The following RSL24D1 variants were observed in gnomAD, a reference collection of about 807,000 sequenced individuals.
RSL24D1 encodes ribosomal L24 domain containing 1, also known as probable ribosome biogenesis protein RLP24.
In RSL24D1, 6 loss-of-function variants were observed where a neutral mutation model predicts 26.2. That is an observed-to-expected ratio of 0.23 (90% CI 0.13 to 0.45). The LOEUF (loss-of-function observed/expected upper bound fraction) is 0.45. RSL24D1 is among the 20% of genes least tolerant of loss of function. The pLI, the probability that RSL24D1 is intolerant of heterozygous loss-of-function variation, is 0.99. For synonymous variants in RSL24D1, 61 were observed against 59.1 expected (o/e 1.03, Z -0.15); for missense variants, 176 against 202.6 (o/e 0.87, Z 0.80).
At chr15:55,183,074 C>T (rs1251806328) in intron 5 of RSL24D1, among the ~76,000 whole-genome samples, 1 of 152,104 alleles carries the variant, frequency 6.6e-6, no homozygotes, top group Non-Finnish European at 1.5e-5. Flanking sequence ...AATTATTACG[C>T]AAATCATTTT....
intron 3 of RSL24D1, among the ~76,000 whole-genome samples, chr15:55,186,611 T>C (rs1894226736): frequency 6.6e-6 from 1 of 152,066 alleles, no homozygotes; most frequent in Non-Finnish European, 1.5e-5. Context: ...TATCATGAAA[T>C]ATAAGGACAA....
chr15:55,191,763 A>G (rs906213160), intron 2 of RSL24D1, among the ~76,000 whole-genome samples: 1 of 152,126 alleles, frequency 6.6e-6, no homozygotes, highest in Non-Finnish European at 1.5e-5. Flanking sequence ...AAACAGCACT[A>G]CCTCTGGATT....
chr15:55,191,633 A>G (rs879751885), intron 2 of RSL24D1, among the ~76,000 whole-genome samples: 18 of 152,234 alleles, frequency 1.2e-4, no homozygotes, highest in Admixed American at 6.5e-5. Context: ...AAACACGGTT[A>G]CCGTTGCTAG....
At chr15:55,190,870 A>T in intron 3 of RSL24D1, 105 bp downstream of exon 3, 1 of 742,788 alleles carries the variant, frequency 1.3e-6, no homozygotes, top group South Asian at 1.7e-5. Flanking sequence ...CCAAGGAATG[A>T]TAAATGGAAA....
chr15:55,185,354 A>T lies in RSL24D1; in HGVS notation c.332+8T>A. On this transcript the variant is annotated splice_region_variant and intron_variant, in intron 4 of 5. Coordinates refer to ENST00000260443, the MANE Select transcript of RSL24D1 (RefSeq NM_016304.3). Reference sequence around the variant, plus strand: ...TTTCCAAAAGTTACTCCATACAAATATTCATACCTGTTCATTATAAATTTA... The same window carrying T: ...TTTCCAAAAGTTACTCCATACAAATTTTCATACCTGTTCATTATAAATTTA... 6.3e-7 allele frequency: 1 copy of T among 1,599,158 alleles called. No individual in the cohort carries two copies. The highest frequency in any genetic ancestry group is 8.5e-7 in the Non-Finnish European group (1 of 1,173,158).
intron 1 of RSL24D1, chr15:55,196,409 C>CCT (rs1566888186): frequency 2.1e-6 from 1 of 470,514 alleles, no homozygotes; most frequent in Admixed American, 2.3e-5. Flanking sequence ...CTTCCATCAA[C>CCT]CTCTACACTT....
Position 55,182,154 on chromosome 15 carries a change from A to T in RSL24D1, c.490T>A (p.Ter164LysextTer4), listed in dbSNP as rs770500399. 1.9e-6 allele frequency: 3 copies of T among 1,589,722 alleles called. No homozygotes were observed. The highest frequency in any genetic ancestry group is 2.6e-6 in the Non-Finnish European group (3 of 1,158,708). The change falls in exon 6 of 6, where the codon TAA (stop) becomes AAA (lysine). Residue 164 changes from the stop codon to lysine, a stop_lost. Coordinates refer to ENST00000260443, the MANE Select transcript of RSL24D1 (RefSeq NM_016304.3). ...AAAAGAAATGGTTACAGAGATTTTT[A>T]AGGAGCATCTTCCATGTCCACATCC... ...QEDVDMEDAP[*>K]
chr15:55,190,042 G>A (rs920114249), intron 3 of RSL24D1, among the ~76,000 whole-genome samples: 11 of 152,276 alleles, frequency 7.2e-5, no homozygotes, highest in East Asian at 5.8e-4. Flanking sequence ...GAGGTCAGGA[G>A]TTCAAGGCCA....
intron 3 of RSL24D1, 51 bp from the exon 4 acceptor site, chr15:55,185,476 A>G: frequency 8.1e-7 from 1 of 1,237,342 alleles, no homozygotes; most frequent in Non-Finnish European, 1.2e-6. Flanking sequence ...AAGCGGTATG[A>G]TCAACAACTG....
intron 3 of RSL24D1, among the ~76,000 whole-genome samples, chr15:55,187,689 A>G (rs1894238333): frequency 6.6e-6 from 1 of 152,072 alleles, no homozygotes; most frequent in Non-Finnish European, 1.5e-5. Flanking sequence ...GCAGGGGCTA[A>G]GCTATGGGCA....
chr15:55,193,175 T>C (rs1894317648), intron 1 of RSL24D1, among the ~76,000 whole-genome samples: 1 of 152,314 alleles, frequency 6.6e-6, no homozygotes, highest in East Asian at 1.9e-4. Flanking sequence ...TATACCTCAA[T>C]GGGGATAAAA....
At chr15:55,184,991 T>C (rs1206415729) in intron 4 of RSL24D1, among the ~76,000 whole-genome samples, 2 of 152,226 alleles carry the variant, frequency 1.3e-5, no homozygotes, top group Non-Finnish European at 2.9e-5. Context: ...TGTGTTGCTA[T>C]GGACGTAATC....
At chr15:55,182,741 T>C (rs1192526864) in intron 5 of RSL24D1, among the ~76,000 whole-genome samples, 10 of 103,518 alleles carry the variant, frequency 9.7e-5, no homozygotes, top group African/African-American at 3.7e-4. Flanking sequence ...ATAATACAAG[T>C]AGATCTACAC....
rs570644387 is a variant in RSL24D1 at position 55,196,721 on chromosome 15, G to T, written c.81+89C>A. Reference sequence around the variant, plus strand: ...AACGGGAGGAACCCGGGCCAAACACGGCAGACGCAGAAGCACCCAGCACCG... The same window carrying T: ...AACGGGAGGAACCCGGGCCAAACACTGCAGACGCAGAAGCACCCAGCACCG... On this transcript the variant is annotated intron_variant, in intron 1 of 5. Transcript: ENST00000260443. 11 of 1,276,554 alleles carry T rather than the reference G, an allele frequency of 8.6e-6. 1 individual carries two copies. The South Asian group carries it at 9.8e-5, about 11-fold the overall frequency. 79.1% of individuals were successfully genotyped at this position (1,276,554 alleles called of 1,614,324 possible).
At chr15:55,190,936 G>C in intron 3 of RSL24D1, 39 bp downstream of exon 3, 1 of 1,344,302 alleles carries the variant, frequency 7.4e-7, no homozygotes, top group Middle Eastern at 2.5e-4. Context: ...TCCCAAACCA[G>C]TCTCTCCTCA....
At chr15:55,184,456 C>T (rs974136926) in intron 4 of RSL24D1, among the ~76,000 whole-genome samples, 14 of 152,232 alleles carry the variant, frequency 9.2e-5, no homozygotes, top group African/African-American at 3.1e-4. Context: ...AAAGGGAAAG[C>T]TCTTTCTTAC....
intron 1 of RSL24D1, chr15:55,196,288 T>G (rs537685454): frequency 4.4e-6 from 2 of 453,410 alleles, no homozygotes; most frequent in Non-Finnish European, 8.8e-6. Flanking sequence ...TCCGCAAAAT[T>G]CAGGATCCAA....
intron 1 of RSL24D1, chr15:55,196,454 T>C: frequency 1.9e-6 from 1 of 516,352 alleles, no homozygotes; most frequent in South Asian, 1.5e-5. Context: ...TGACAGGGTA[T>C]ACACTCAACA....
chr15:55,187,285 T>C (rs971796818), intron 3 of RSL24D1, among the ~76,000 whole-genome samples: 1 of 152,218 alleles, frequency 6.6e-6, no homozygotes, highest in Non-Finnish European at 1.5e-5. Context: ...TTTTTCTTTG[T>C]CTTTCAGCAA....
Sources: gnomAD v4.1 joint callset for allele counts (sites outside exome capture counted in the v4.1 genomes callset) on GRCh38, gnomAD v4.1.1 for gene constraint, MANE v1.5 for transcripts, NCBI Gene and HGNC (gene_info 2026-07-23, HGNC 2026-07-21) for gene names.